Variants in OTC observed in about 807,000 individuals in gnomAD.
The protein encoded by OTC is ornithine transcarbamylase, also known as ornithine transcarbamylase, mitochondrial.
OTC carries 3 observed loss-of-function variants against 30.3 expected under a neutral mutation model. That is an observed-to-expected ratio of 0.10 (90% CI 0.05 to 0.26). The LOEUF is 0.26. Among genes scored for constraint, OTC ranks in the 10% least tolerant of loss-of-function variants. The pLI is 1.00. For synonymous variants in OTC, 111 were observed against 99.7 expected (o/e 1.11, Z -0.67); for missense variants, 194 against 260.3 (o/e 0.75, Z 1.75).
At chrX:38,399,292 C>T (rs1202685694) in intron 4 of OTC, among the ~76,000 whole-genome samples, 7 of 111,008 alleles carry the variant, frequency 6.3e-5, no homozygotes, top group Non-Finnish European at 1.1e-4. Flanking sequence ...GATGTTGCTA[C>T]TCTGAGGGGC....
the OTC span, among the ~76,000 whole-genome samples, chrX:38,327,756 C>T: frequency 3.3e-4 from 37 of 112,910 alleles, 1 homozygote; most frequent in Non-Finnish European, 1.5e-4. Flanking sequence ...GTCCAGGCGC[C>T]GCAGGGACCC....
intron 4 of OTC, among the ~76,000 whole-genome samples, chrX:38,387,393 A>G (rs768715734): frequency 5.3e-5 from 6 of 112,526 alleles, no homozygotes; most frequent in Non-Finnish European, 1.1e-4. Flanking sequence ...CCCAAAGAAG[A>G]TCTGACAATT....
chrX:38,346,322 C>G, the OTC span, among the ~76,000 whole-genome samples: 1 of 111,649 alleles, frequency 9.0e-6, no homozygotes, highest in Non-Finnish European at 1.9e-5. Context: ...GGTTGTGGAA[C>G]AAACGGACCT....
intron 9 of OTC, 89 bp from the exon 10 acceptor site, chrX:38,420,934 A>G: frequency 1.5e-6 from 1 of 647,213 alleles, no homozygotes; most frequent in South Asian, 2.2e-5. Context: ...TAACCCTGCA[A>G]AGCTGAAACC....
At position 38,381,324 on chromosome X, in the gene OTC, C is replaced by CTTTTTTTT; in HGVS notation, c.299-15_299-8dup. ...GTTGTTTTTTCAAAATGATTTTTTTCTTTTTTTTTTATTGTAGGCTTTGCA... is the reference window on the plus strand; with the variant it reads ...GTTGTTTTTTCAAAATGATTTTTTTCTTTTTTTTTTTTTTTTTTATTGTAGGCTTTGCA... On this transcript the variant is annotated splice_polypyrimidine_tract_variant and intron_variant, in intron 3 of 9. Transcript: ENST00000039007. 1.1e-6 allele frequency: 1 copy of CTTTTTTTT among 940,644 alleles called. No individual in the cohort carries two copies. Among genetic ancestry groups the CTTTTTTTT allele is most frequent in the Non-Finnish European group, 1.5e-6 (1 of 689,246 alleles). 77.5% of individuals were successfully genotyped at this position (940,644 alleles called of 1,213,427 possible). A position where few individuals can be genotyped will look rare whatever the true frequency, so the allele number is the denominator to read the frequency against.
the OTC span, among the ~76,000 whole-genome samples, chrX:38,334,591 C>G: frequency 9.8e-5 from 11 of 112,263 alleles, no homozygotes; most frequent in East Asian, 3.1e-3. Context: ...TCAGCAGAAG[C>G]AATACATGTG....
the OTC span, among the ~76,000 whole-genome samples, chrX:38,334,135 G>A: frequency 5.9e-4 from 66 of 112,282 alleles, no homozygotes; most frequent in East Asian, 9.2e-3. Context: ...CTACTTTGAA[G>A]GATCATGTAC....
chrX:38,371,269 G>A (rs773654700), intron 3 of OTC, among the ~76,000 whole-genome samples: 1 of 111,616 alleles, frequency 9.0e-6, no homozygotes, highest in Non-Finnish European at 1.9e-5. Context: ...ATTCTAGGCT[G>A]TTAAGGATAT....
chrX:38,404,051 C>G, intron 6 of OTC, among the ~76,000 whole-genome samples: 1 of 112,275 alleles, frequency 8.9e-6, no homozygotes, highest in East Asian at 2.8e-4. Context: ...TGCATTACCA[C>G]CACAAAGGCT....
chrX:38,398,143 A>G (rs2068466221), intron 4 of OTC, among the ~76,000 whole-genome samples: 1 of 111,606 alleles, frequency 9.0e-6, no homozygotes, highest in African/African-American at 3.3e-5. Context: ...AGAGAAAAAC[A>G]CACCTGCCTT....
chrX:38,411,486 T>C lies in OTC; in HGVS notation c.868-376T>C, dbSNP rs1377105449. ...TTTAAAACCAGCCTGGCCAATATGG[T>C]GAAATCCCGTCTCTACTAAAAATAC... On this transcript the variant is annotated intron_variant, in intron 8 of 9. Transcript: ENST00000039007. 3.7e-5 allele frequency among the ~76,000 whole-genome samples: 4 copies of C among 109,076 alleles called. No individual in the cohort carries two copies. The East Asian group carries it at 1.2e-3, about 31-fold the overall frequency. 94.7% of individuals were successfully genotyped at this position (109,076 alleles called of 115,157 possible). A position where few individuals can be genotyped will look rare whatever the true frequency, so the allele number is the denominator to read the frequency against.
chrX:38,391,118 A>T (rs1347102801), intron 4 of OTC, among the ~76,000 whole-genome samples: 1 of 110,787 alleles, frequency 9.0e-6, no homozygotes, highest in Non-Finnish European at 1.9e-5. Flanking sequence ...AAATCATCCC[A>T]TCATTCTCAG....
At chrX:38,341,181 T>C in the OTC span, among the ~76,000 whole-genome samples, 1 of 112,187 alleles carries the variant, frequency 8.9e-6, no homozygotes, top group Non-Finnish European at 1.9e-5. Context: ...AAATTGTTCA[T>C]ATTGTTTTGC....
At chrX:38,380,982 G>A (rs1258733386) in intron 3 of OTC, among the ~76,000 whole-genome samples, 1 of 112,245 alleles carries the variant, frequency 8.9e-6, no homozygotes, top group East Asian at 2.8e-4. Flanking sequence ...ACCTGCCTCA[G>A]CCTCCCAAAG....
chrX:38,355,043 C>T (rs1460330119), intron 1 of OTC, among the ~76,000 whole-genome samples: 2 of 111,663 alleles, frequency 1.8e-5, no homozygotes, highest in East Asian at 5.6e-4. Context: ...TAACATACCA[C>T]GTGAGTTTAC....
intron 4 of OTC, among the ~76,000 whole-genome samples, chrX:38,382,406 G>A (rs763833074): frequency 2.8e-4 from 32 of 112,324 alleles, no homozygotes; most frequent in Non-Finnish European, 4.5e-4. Flanking sequence ...AAAATGATAC[G>A]CCATGAAGTT....
chrX:38,332,775 T>C, the OTC span, among the ~76,000 whole-genome samples: 7 of 109,429 alleles, frequency 6.4e-5, no homozygotes, highest in South Asian at 7.9e-4. Flanking sequence ...ACATTTCCAG[T>C]GTGGGTCAGT....
intron 1 of OTC, among the ~76,000 whole-genome samples, chrX:38,359,544 C>G (rs960074965): frequency 5.5e-5 from 6 of 109,949 alleles, no homozygotes; most frequent in Non-Finnish European, 1.1e-4. Flanking sequence ...CTCAGCCTCC[C>G]GAATAGCTGG....
chrX:38,347,130 T>G, the OTC span, among the ~76,000 whole-genome samples: 1 of 112,200 alleles, frequency 8.9e-6, no homozygotes, highest in African/African-American at 3.2e-5. Flanking sequence ...TGTTGTTATA[T>G]AAGAAACAAA....
Sources: allele counts gnomAD v4.1 joint callset (sites outside exome capture counted in the v4.1 genomes callset), GRCh38; gene constraint gnomAD v4.1.1; transcripts MANE v1.5; gene names NCBI Gene and HGNC (gene_info 2026-07-23, HGNC 2026-07-21).